The following EIF4ENIF1 variants were observed in gnomAD, a reference collection of about 807,000 sequenced individuals.
EIF4ENIF1 encodes the protein eukaryotic translation initiation factor 4E nuclear import factor 1.
EIF4ENIF1 carries 23 observed loss-of-function variants against 110.5 expected under a neutral mutation model. The ratio of observed to expected loss-of-function variants is 0.21; its 90% CI spans 0.15 to 0.29. The LOEUF (loss-of-function observed/expected upper bound fraction) is 0.29. EIF4ENIF1 is among the 10% of genes least tolerant of loss of function. The pLI, the probability that EIF4ENIF1 is intolerant of heterozygous loss-of-function variation, is 1.00. For synonymous variants in EIF4ENIF1, 440 were observed against 437.0 expected, an observed-to-expected ratio of 1.01 and a Z score of -0.09; for missense variants, 1,031 against 1,221.1, an observed-to-expected ratio of 0.84 and a Z score of 2.32.
intron 3 of EIF4ENIF1, among the ~76,000 whole-genome samples, chr22:31,470,184 A>T (rs2051324062): frequency 1.9e-5 from 1 of 52,540 alleles, no homozygotes; most frequent in African/African-American, 8.0e-5. Flanking sequence ...AAAAAAAAAA[A>T]GAAAAATCCT....
chr22:31,478,444 A>G (rs1276763660), intron 2 of EIF4ENIF1, among the ~76,000 whole-genome samples: 1 of 150,236 alleles, frequency 6.7e-6, no homozygotes, highest in Non-Finnish European at 1.5e-5. Flanking sequence ...TGAACCCAGG[A>G]GACAGAGGTT....
intron 2 of EIF4ENIF1, among the ~76,000 whole-genome samples, chr22:31,482,023 T>A (rs900313631): frequency 2.6e-5 from 4 of 151,712 alleles, no homozygotes; most frequent in Admixed American, 2.0e-4. Context: ...ATGAAAAAAT[T>A]AGCCATGTGT....
chr22:31,444,110 T>G (rs1460001650), intron 15 of EIF4ENIF1, among the ~76,000 whole-genome samples: 1 of 152,172 alleles, frequency 6.6e-6, no homozygotes, highest in Non-Finnish European at 1.5e-5. Flanking sequence ...AATGAAACAT[T>G]TTTTAAAGTA....
At chr22:31,489,374 G>A (rs1659895918) in intron 1 of EIF4ENIF1, 3 of 152,376 alleles carry the variant, frequency 2.0e-5, no homozygotes, top group Admixed American at 6.5e-5. Context: ...CGGAGGAAGG[G>A]CGGAGACCGT....
intron 2 of EIF4ENIF1, among the ~76,000 whole-genome samples, chr22:31,487,647 G>A (rs890669155): frequency 4.6e-5 from 7 of 151,972 alleles, no homozygotes; most frequent in South Asian, 2.1e-4. Flanking sequence ...AAAATTAGCC[G>A]AGCGTACTGG....
intron 18 of EIF4ENIF1, among the ~76,000 whole-genome samples, chr22:31,440,446 A>T (rs2050256340): frequency 6.6e-6 from 1 of 152,116 alleles, no homozygotes; most frequent in South Asian, 2.1e-4. Context: ...CCTCTGTTGG[A>T]TTCTCAGCCC....
intron 10 of EIF4ENIF1, chr22:31,450,872 CACACACACACACACACACACACAA>C (rs2050645927): frequency 1.8e-5 from 3 of 163,424 alleles, no homozygotes; most frequent in African/African-American, 7.4e-5. Flanking sequence ...CACACACACA[CACACACACACACACACACACACAA>C]AAGAGACAGG....
At chr22:31,470,891 A>T (rs1458602823) in intron 3 of EIF4ENIF1, among the ~76,000 whole-genome samples, 1 of 151,602 alleles carries the variant, frequency 6.6e-6, no homozygotes, top group East Asian at 2.0e-4. Context: ...GGGTGCCTGT[A>T]ATCCCAGCTA....
At chr22:31,468,103 A>C (rs2051250569) in intron 4 of EIF4ENIF1, 72 bp downstream of exon 4, 1 of 1,567,394 alleles carries the variant, frequency 6.4e-7, no homozygotes, top group Non-Finnish European at 8.7e-7. Flanking sequence ...TCTCAGAGCT[A>C]AGAATGAAAC....
chr22:31,490,351 C>G (rs527513363), upstream of EIF4ENIF1, among the ~76,000 whole-genome samples: 10 of 152,348 alleles, frequency 6.6e-5, no homozygotes, highest in East Asian at 1.9e-3. Context: ...CCGAGCCTTC[C>G]CAGTGCGGGT....
intron 14 of EIF4ENIF1, among the ~76,000 whole-genome samples, chr22:31,445,319 A>G (rs1299318788): frequency 6.6e-6 from 1 of 151,904 alleles, no homozygotes; most frequent in East Asian, 1.9e-4. Context: ...AGTTTCAGCT[A>G]TTTTAGGACC....
intron 3 of EIF4ENIF1, among the ~76,000 whole-genome samples, chr22:31,470,161 C>A (rs761240934): frequency 6.9e-4 from 52 of 74,884 alleles, no homozygotes; most frequent in Non-Finnish European, 1.1e-3. Flanking sequence ...CGAAACTCCA[C>A]CTCAAAAAAA....
chr22:31,477,376 AAAAAAAAC>A (rs2051622255), intron 2 of EIF4ENIF1, among the ~76,000 whole-genome samples: 69 of 55,210 alleles, frequency 1.2e-3, no homozygotes, highest in South Asian at 1.9e-3. Context: ...AAAAAAAAAC[AAAAAAAAC>A]AAAAAAAGAG....
At chr22:31,449,259 C>G in intron 12 of EIF4ENIF1, 89 bp downstream of exon 12, 1 of 1,405,196 alleles carries the variant, frequency 7.1e-7, no homozygotes, top group Non-Finnish European at 9.7e-7. Flanking sequence ...ATCTGCCCAC[C>G]TCGGCCTCCC....
intron 18 of EIF4ENIF1, 59 bp downstream of exon 18, chr22:31,440,645 C>T (rs184960358): frequency 5.8e-6 from 9 of 1,557,488 alleles, no homozygotes; most frequent in Non-Finnish European, 7.8e-6. Flanking sequence ...AACTAGTCCT[C>T]AAAGCTTCAA....
At chr22:31,489,646 CG>C (rs34827286) in intron 1 of EIF4ENIF1, 47 bp downstream of exon 1, 120,732 of 148,714 alleles carry the variant, frequency 0.81, 49,204 homozygotes, top group Non-Finnish European at 0.83. Flanking sequence ...CCGGGAGCAC[CG>C]GGCGCGCGGT....
At chr22:31,475,288 A>G (rs1270849125) in intron 2 of EIF4ENIF1, among the ~76,000 whole-genome samples, 2 of 152,176 alleles carry the variant, frequency 1.3e-5, no homozygotes, top group East Asian at 3.8e-4. Flanking sequence ...GTCAAAGAAC[A>G]TACAACCTAT....
At chr22:31,462,789 G>T in intron 6 of EIF4ENIF1, 143 bp downstream of exon 6, 2 of 759,940 alleles carry the variant, frequency 2.6e-6, no homozygotes, top group Non-Finnish European at 4.1e-6. Context: ...CACCATGTTG[G>T]CCAGGCTGGT....
At chr22:31,447,012 T>C (rs1423680258) in intron 14 of EIF4ENIF1, 4 of 468,614 alleles carry the variant, frequency 8.5e-6, no homozygotes, top group African/African-American at 2.0e-5. Context: ...ATTGAATCTG[T>C]GGGGAAAGGA....
Sources: gnomAD v4.1 joint callset for allele counts (sites outside exome capture counted in the v4.1 genomes callset) on GRCh38, gnomAD v4.1.1 for gene constraint, MANE v1.5 for transcripts, NCBI Gene and HGNC (gene_info 2026-07-23, HGNC 2026-07-21) for gene names.